Variants in CCNJL observed in about 807,000 individuals in gnomAD.
CCNJL encodes the protein cyclin J like.
CCNJL carries 33 observed loss-of-function variants against 33.4 expected under a neutral mutation model. The observed-to-expected ratio is 0.99, with a 90% CI of 0.75 to 1.32. The LOEUF (loss-of-function observed/expected upper bound fraction) is 1.32. CCNJL is among the 40% of genes most tolerant of loss of function. CCNJL has a pLI of 0.00. For missense variants in CCNJL, 512 were observed against 499.7 expected (o/e 1.02, Z -0.23); for synonymous variants, 227 against 220.9 (o/e 1.03, Z -0.24).
intron 4 of CCNJL, among the ~76,000 whole-genome samples, chr5:160,256,832 C>T (rs565354590): frequency 4.3e-4 from 65 of 151,778 alleles, no homozygotes; most frequent in African/African-American, 1.5e-3. Context: ...GCAGGAGAAT[C>T]GCTTGAACCC....
At chr5:160,282,028 A>G (rs957293428) in intron 2 of CCNJL, among the ~76,000 whole-genome samples, 2 of 152,206 alleles carry the variant, frequency 1.3e-5, no homozygotes, top group African/African-American at 4.8e-5. Context: ...AGTAAAATTG[A>G]AGGAAAACAG....
At chr5:160,256,069 T>C (rs1761051656) in intron 4 of CCNJL, among the ~76,000 whole-genome samples, 1 of 152,074 alleles carries the variant, frequency 6.6e-6, no homozygotes, top group South Asian at 2.1e-4. Context: ...TCGTATTTTT[T>C]TGAGAGATAG....
At chr5:160,260,222 G>C (rs992518795) in intron 3 of CCNJL, among the ~76,000 whole-genome samples, 3 of 152,248 alleles carry the variant, frequency 2.0e-5, no homozygotes, top group Admixed American at 6.5e-5. Context: ...GCATGGCCAC[G>C]CAAACCTGGC....
intron 2 of CCNJL, among the ~76,000 whole-genome samples, chr5:160,310,644 G>C (rs892194109): frequency 6.6e-6 from 1 of 152,132 alleles, no homozygotes; most frequent in African/African-American, 2.4e-5. Context: ...TTCAGAATGT[G>C]ACCTTACTTG....
intron 1 of CCNJL, 56 bp from the exon 2 acceptor site, chr5:160,312,028 G>A (rs1197730996): frequency 8.9e-7 from 1 of 1,123,514 alleles, no homozygotes; most frequent in African/African-American, 1.5e-5. Context: ...TCCGACCCCC[G>A]GTGTCCCTAT....
At chr5:160,337,586 C>T (rs553702597) in intron 1 of CCNJL, among the ~76,000 whole-genome samples, 1 of 152,138 alleles carries the variant, frequency 6.6e-6, no homozygotes, top group Non-Finnish European at 1.5e-5. Context: ...CTCCTTGAGC[C>T]AACCATGTTG....
At chr5:160,274,487 A>T (rs971445234) in intron 3 of CCNJL, among the ~76,000 whole-genome samples, 1 of 151,948 alleles carries the variant, frequency 6.6e-6, no homozygotes, top group Non-Finnish European at 1.5e-5. Context: ...TAGTAAGGAG[A>T]TGGGCCTTTT....
rs1760781528 is a variant in CCNJL at position 160,250,783 on chromosome 5, A to G, written c.*2595T>C. 1 of 152,252 alleles carries G rather than the reference A, an allele frequency of 6.6e-6. No individual in the cohort carries two copies. Among genetic ancestry groups the G allele is most frequent in the South Asian group, 2.1e-4 (1 of 4,832 alleles). The allele number at this position is 152,252 out of a possible 1,614,324, so 9.4% of individuals were successfully genotyped here. ...TTCTAAAAAGTCTTATTAGTGCATA[A>G]AATAATAGTGCATCTTACAAAAAGC... is the stretch of plus-strand genomic sequence containing the variant. On this transcript the variant is annotated 3_prime_UTR_variant, in exon 6 of 6. Transcript: ENST00000257536.
In CCNJL at chr5:160,255,673, C is replaced by T. The variant is rs908098830; in HGVS notation, c.619G>A (p.Ala207Thr). 9 of 1,613,890 alleles carry T rather than the reference C, an allele frequency of 5.6e-6. No individual in the cohort carries two copies. Among genetic ancestry groups the T allele is most frequent in the East Asian group, 2.2e-5 (1 of 44,886 alleles). ...CTGGAGGCCCCAACACAGGCCGCAG[C>T]GACCACAGAAGGCTGGAATTTGTAG... Reference protein sequence around the residue: ...IFYKFQPSVVAAACVGASRIC... With the variant: ...IFYKFQPSVVTAACVGASRIC... Residue 207 changes from alanine to threonine, a missense_variant, in exon 5 of 6, where the codon GCT (alanine) becomes ACT (threonine). Ala to Thr is a moderately conservative substitution (Grantham distance 58, BLOSUM62 0). Coordinates refer to ENST00000257536, the MANE Select transcript of CCNJL (RefSeq NM_001308173.3).
chr5:160,294,525 C>T (rs549641164), intron 2 of CCNJL, among the ~76,000 whole-genome samples: 35 of 152,310 alleles, frequency 2.3e-4, no homozygotes, highest in Admixed American at 2.3e-3. Flanking sequence ...AAACTCTGTA[C>T]CAGGCCCAGC....
intron 2 of CCNJL, among the ~76,000 whole-genome samples, chr5:160,284,184 T>C (rs983985335): frequency 7.2e-5 from 11 of 151,914 alleles, no homozygotes; most frequent in African/African-American, 2.4e-4. Flanking sequence ...AAACCCCATT[T>C]CCACAAAAGA....
At chr5:160,308,817 T>C (rs1763175867) in intron 2 of CCNJL, among the ~76,000 whole-genome samples, 1 of 152,094 alleles carries the variant, frequency 6.6e-6, no homozygotes, top group Non-Finnish European at 1.5e-5. Context: ...TGGTAAATGC[T>C]ACAAAGAAAA....
Position 160,259,691 on chromosome 5 carries a change from T to A in CCNJL, c.361A>T (p.Thr121Ser), listed in dbSNP as rs1029571308. Residue 121 changes from threonine to serine, a missense_variant, in exon 4 of 6, where the codon ACC becomes TCC. By Grantham distance (58) the Thr-to-Ser change is moderately conservative. Transcript: ENST00000257536. ...STRILSSQNFTLTKKELLSTE... is the reference protein window; with the variant it reads ...STRILSSQNFSLTKKELLSTE... ...CTCAGCAGCTCCTTCTTGGTGAGGG[T>A]GAAGTTCTGGCTGCTCAGGATCCTC... The A allele has an allele frequency of 5.6e-6, 9 of 1,614,010 alleles. No individual in the cohort carries two copies. Among genetic ancestry groups the A allele is most frequent in the Non-Finnish European group, 7.6e-6 (9 of 1,180,018 alleles).
At chr5:160,323,915 T>G (rs1167279193) in intron 1 of CCNJL, among the ~76,000 whole-genome samples, 1 of 152,224 alleles carries the variant, frequency 6.6e-6, no homozygotes, top group Non-Finnish European at 1.5e-5. Flanking sequence ...AAACATTGGC[T>G]CTTTCTGGGT....
At chr5:160,337,851 T>C (rs1258680732) in intron 1 of CCNJL, among the ~76,000 whole-genome samples, 1 of 152,196 alleles carries the variant, frequency 6.6e-6, no homozygotes, top group Non-Finnish European at 1.5e-5. Flanking sequence ...TGGGCCTAAA[T>C]TTAAAATAGA....
At chr5:160,262,840 T>C (rs947624325) in intron 3 of CCNJL, among the ~76,000 whole-genome samples, 1 of 152,228 alleles carries the variant, frequency 6.6e-6, no homozygotes, top group Non-Finnish European at 1.5e-5. Flanking sequence ...CTCCTGGGAC[T>C]GTGAGTGGGG....
rs559554246 is a variant in CCNJL at position 160,322,625 on chromosome 5, C to T, written n.207-7120G>A. Among the ~76,000 whole-genome samples the T allele has an allele frequency of 7.2e-4, 109 of 152,120 alleles. 2 individuals carry two copies. The highest frequency in any genetic ancestry group is 2.4e-3 in the African/African-American group (101 of 41,498). On this transcript the variant is annotated intron_variant and non_coding_transcript_variant, in intron 1 of 7. Coordinates refer to the CCNJL transcript ENST00000377503. ...ATGAGATACCTTTAAAAATGTCCCT[C>T]GGCTGGGCGCGGTGGCTCACGCCTG... is the stretch of plus-strand genomic sequence containing the variant.
intron 3 of CCNJL, among the ~76,000 whole-genome samples, chr5:160,261,683 T>C (rs1302499211): frequency 1.4e-5 from 2 of 146,818 alleles, no homozygotes; most frequent in Non-Finnish European, 1.5e-5. Flanking sequence ...CTCCAACCCC[T>C]CCCCGGGCTG....
intron 3 of CCNJL, among the ~76,000 whole-genome samples, chr5:160,272,578 G>C (rs1761875063): frequency 6.6e-6 from 1 of 152,218 alleles, no homozygotes; most frequent in South Asian, 2.1e-4. Context: ...ATGGAGAAGA[G>C]ACATTGCTTG....
Sources: gnomAD v4.1 joint callset for allele counts (sites outside exome capture counted in the v4.1 genomes callset) on GRCh38, gnomAD v4.1.1 for gene constraint, MANE v1.5 for transcripts, NCBI Gene and HGNC (gene_info 2026-07-23, HGNC 2026-07-21) for gene names.